The following NEBL variants were observed in gnomAD, a reference collection of about 807,000 sequenced individuals.
NEBL encodes LIM and SH3 protein 2.
NEBL carries 122 observed loss-of-function variants against 140.2 expected under a neutral mutation model. The ratio of observed to expected loss-of-function variants is 0.87; its 90% confidence interval spans 0.75 to 1.01. NEBL has a LOEUF of 1.01. Among genes scored for constraint, NEBL ranks in the 50% least tolerant of loss-of-function variants. The probability of loss-of-function intolerance (pLI) is 0.00; values close to 1 mark genes in which losing one functional copy is unlikely to be tolerated. For synonymous variants in NEBL, 436 were observed against 398.9 expected (o/e 1.09, Z -1.11); for missense variants, 1,365 against 1,231.3 (o/e 1.11, Z -1.62).
At chr10:20,796,405 A>T (rs1350937947) in intron 26 of NEBL, among the ~76,000 whole-genome samples, 3 of 150,880 alleles carry the variant, frequency 2.0e-5, no homozygotes, top group Non-Finnish European at 4.4e-5. Flanking sequence ...CTTCTCTAAA[A>T]TATTATCTTG....
chr10:21,043,098 A>C (rs1834343129), intron 2 of NEBL, among the ~76,000 whole-genome samples: 1 of 152,210 alleles, frequency 6.6e-6, no homozygotes. Context: ...TAGAGACTTA[A>C]ATCTGACAGA....
At chr10:21,106,242 T>C (rs1266584442) in intron 2 of NEBL, among the ~76,000 whole-genome samples, 1 of 152,268 alleles carries the variant, frequency 6.6e-6, no homozygotes, top group Non-Finnish European at 1.5e-5. Flanking sequence ...TTTGGTGTTT[T>C]AGTCATGGAG....
chr10:21,199,547 G>A (rs1446801740), intron 3 of NEBL, among the ~76,000 whole-genome samples: 1 of 152,202 alleles, frequency 6.6e-6, no homozygotes, highest in East Asian at 1.9e-4. Context: ...ATAGTACACA[G>A]TCACAGGTGG....
chr10:20,916,685 C>G (rs1848571472), intron 4 of NEBL, among the ~76,000 whole-genome samples: 1 of 152,242 alleles, frequency 6.6e-6, no homozygotes, highest in Non-Finnish European at 1.5e-5. Context: ...GCTGGGATTA[C>G]AAGTGTGAGC....
At chr10:20,894,719 C>G (rs1445755428) in intron 2 of NEBL, among the ~76,000 whole-genome samples, 1 of 148,496 alleles carries the variant, frequency 6.7e-6, no homozygotes, top group African/African-American at 2.5e-5. Context: ...TCGAGTCCAT[C>G]CTAACTAACA....
chr10:21,056,233 T>G (rs1209110535), intron 2 of NEBL, among the ~76,000 whole-genome samples: 3 of 152,236 alleles, frequency 2.0e-5, no homozygotes, highest in Non-Finnish European at 1.5e-5. Flanking sequence ...CCCAGATCCC[T>G]GATTGCAATT....
chr10:20,796,648 C>T (rs1419714377), intron 26 of NEBL, among the ~76,000 whole-genome samples: 1 of 152,054 alleles, frequency 6.6e-6, no homozygotes, highest in Non-Finnish European at 1.5e-5. Context: ...AGAATTTCTG[C>T]TATTTTACTT....
At chr10:20,795,117 AG>A (rs1191970404) in intron 26 of NEBL, among the ~76,000 whole-genome samples, 3 of 141,908 alleles carry the variant, frequency 2.1e-5, no homozygotes, top group Non-Finnish European at 3.2e-5. Flanking sequence ...CTGTGAATTC[AG>A]AAAAGTGTAA....
chr10:21,034,167 GAAAAAA>G (rs964552949), intron 2 of NEBL, among the ~76,000 whole-genome samples: 4 of 33,504 alleles, frequency 1.2e-4, no homozygotes, highest in African/African-American at 3.3e-4. Context: ...ACCCTATCTC[GAAAAAA>G]AAAAAAAAAA....
intron 2 of NEBL, among the ~76,000 whole-genome samples, chr10:21,167,415 T>C (rs10828200): frequency 0.15 from 23,132 of 152,204 alleles, 1,787 homozygotes; most frequent in East Asian, 0.23. Context: ...CAAAAATATG[T>C]CTGTGAATAA....
chr10:21,260,992 G>T (rs996625505), intron 1 of NEBL, among the ~76,000 whole-genome samples: 1 of 152,152 alleles, frequency 6.6e-6, no homozygotes, highest in Non-Finnish European at 1.5e-5. Flanking sequence ...TTCCATTTCA[G>T]TCAGTAAGAA....
intron 1 of NEBL, among the ~76,000 whole-genome samples, chr10:21,277,674 T>G (rs1217822666): frequency 6.6e-6 from 1 of 152,230 alleles, no homozygotes; most frequent in East Asian, 1.9e-4. Flanking sequence ...TGTGACCAAT[T>G]GTCATTCCCT....
At chr10:21,158,605 G>C (rs1033633553) in intron 2 of NEBL, among the ~76,000 whole-genome samples, 1 of 152,156 alleles carries the variant, frequency 6.6e-6, no homozygotes, top group Non-Finnish European at 1.5e-5. Context: ...TCACTGCTAA[G>C]GGACATGATT....
intron 1 of NEBL, among the ~76,000 whole-genome samples, chr10:21,273,571 C>T (rs958237599): frequency 1.3e-5 from 2 of 151,704 alleles, no homozygotes; most frequent in African/African-American, 4.8e-5. Context: ...ACAGTCCCTC[C>T]CTATCTACAC....
At chr10:21,226,579 T>C (rs943116273) in intron 3 of NEBL, among the ~76,000 whole-genome samples, 3 of 152,210 alleles carry the variant, frequency 2.0e-5, no homozygotes, top group Non-Finnish European at 4.4e-5. Context: ...GATGCCCCTC[T>C]GGCTAGGGCT....
At chr10:20,836,954 A>T (rs1434624057) in intron 13 of NEBL, among the ~76,000 whole-genome samples, 1 of 152,048 alleles carries the variant, frequency 6.6e-6, no homozygotes, top group Non-Finnish European at 1.5e-5. Flanking sequence ...TAATCGAGAA[A>T]TGTTGTGTGT....
chr10:21,015,994 C>G (rs115628926), intron 3 of NEBL, among the ~76,000 whole-genome samples: 1 of 152,240 alleles, frequency 6.6e-6, no homozygotes, highest in East Asian at 1.9e-4. Context: ...CTGATGCCCC[C>G]GCAGGTGAAC....
intron 2 of NEBL, among the ~76,000 whole-genome samples, chr10:21,166,441 C>T (rs978681014): frequency 1.3e-5 from 2 of 152,080 alleles, no homozygotes; most frequent in African/African-American, 4.8e-5. Context: ...GTGCGAAAAA[C>T]TTCGGTATAA....
intron 18 of NEBL, among the ~76,000 whole-genome samples, chr10:20,826,032 A>G (rs1055815294): frequency 6.6e-6 from 1 of 152,210 alleles, no homozygotes; most frequent in African/African-American, 2.4e-5. Flanking sequence ...GCCTTTTCAA[A>G]TCTAATCCTT....
Sources: allele counts gnomAD v4.1 joint callset (sites outside exome capture counted in the v4.1 genomes callset), GRCh38; gene constraint gnomAD v4.1.1; transcripts MANE v1.5; gene names NCBI Gene and HGNC (gene_info 2026-07-23, HGNC 2026-07-21).